Variants in SLAMF1 observed in about 807,000 individuals in gnomAD.
SLAMF1 encodes the protein signaling lymphocytic activation molecule family member 1.
SLAMF1 carries 18 observed loss-of-function variants against 35.1 expected under a neutral mutation model. That is an observed-to-expected ratio of 0.51 (90% confidence interval 0.35 to 0.76). SLAMF1 has a LOEUF of 0.76. Among genes scored for constraint, SLAMF1 ranks in the 30% least tolerant of loss-of-function variants. The pLI, the probability that SLAMF1 is intolerant of heterozygous loss-of-function variation, is 0.01. For synonymous variants in SLAMF1, 168 were observed against 157.2 expected (o/e 1.07, Z -0.51); for missense variants, 392 against 413.0 (o/e 0.95, Z 0.44).
chr1:160,615,487 T>A (rs1433108057), intron 5 of SLAMF1, among the ~76,000 whole-genome samples: 1 of 152,090 alleles, frequency 6.6e-6, no homozygotes, highest in East Asian at 1.9e-4. Flanking sequence ...CTTAAAAAAA[T>A]TTCCACCAAA....
chr1:160,638,410 C>A (rs567747908), intron 1 of SLAMF1, among the ~76,000 whole-genome samples: 1 of 152,218 alleles, frequency 6.6e-6, no homozygotes, highest in East Asian at 1.9e-4. Flanking sequence ...TCTTCCTCCA[C>A]GGAGCACTCA....
At chr1:160,611,503 A>AGTGT (rs1179663042) in intron 6 of SLAMF1, among the ~76,000 whole-genome samples, 1 of 152,152 alleles carries the variant, frequency 6.6e-6, no homozygotes, top group East Asian at 1.9e-4. Context: ...TTTCTGGATG[A>AGTGT]GTGTGTGTGC....
chr1:160,614,575 C>CAAAA (rs58447871), intron 5 of SLAMF1, among the ~76,000 whole-genome samples: 1 of 140,692 alleles, frequency 7.1e-6, no homozygotes, highest in Non-Finnish European at 1.5e-5. Flanking sequence ...TCCGCATCAC[C>CAAAA]AAAAAAAAAA....
chr1:160,646,774 C>T (rs1661057869), intron 1 of SLAMF1, 96 bp downstream of exon 1: 2 of 714,434 alleles, frequency 2.8e-6, no homozygotes, highest in East Asian at 2.8e-5. Context: ...TGACCAAACA[C>T]AATACCCAGC....
Position 160,619,765 on chromosome 1 carries a change from A to G in SLAMF1, c.864+11T>C. 1.3e-6 allele frequency: 2 copies of G among 1,565,938 alleles called. No homozygotes were observed. The highest frequency in any genetic ancestry group is 1.1e-5 in the South Asian group (1 of 90,124). On this transcript the variant is annotated intron_variant, in intron 5 of 6. Coordinates refer to ENST00000302035, the MANE Select transcript of SLAMF1 (RefSeq NM_003037.5). The stretch of plus-strand genomic sequence containing the variant: ...ATGACAGGTTCATCTCAAACAAAAT[A>G]TAGAACTTACACCTGGTTTCTGGAC...
At chr1:160,646,684 C>T (rs1349532745) in intron 1 of SLAMF1, among the ~76,000 whole-genome samples, 186 bp downstream of exon 1, 3 of 152,200 alleles carry the variant, frequency 2.0e-5, no homozygotes, top group African/African-American at 7.2e-5. Context: ...GTCTTGGAAA[C>T]CCAAGGGCCC....
chr1:160,622,586 GTATCTATC>G (rs201725532), intron 4 of SLAMF1, among the ~76,000 whole-genome samples: 2 of 152,030 alleles, frequency 1.3e-5, no homozygotes, highest in African/African-American at 2.4e-5. Context: ...ATCTGTCTAT[GTATCTATC>G]TATCTATCAC....
intron 3 of SLAMF1, among the ~76,000 whole-genome samples, chr1:160,626,210 G>T (rs1311582822): frequency 6.6e-6 from 1 of 152,194 alleles, no homozygotes; most frequent in African/African-American, 2.4e-5. Flanking sequence ...CCTCTGAACT[G>T]GAAAATAAAA....
intron 2 of SLAMF1, among the ~76,000 whole-genome samples, chr1:160,635,482 C>T (rs1660400559): frequency 1.3e-5 from 2 of 152,114 alleles, no homozygotes; most frequent in Admixed American, 6.5e-5. Flanking sequence ...CACTCTAAGG[C>T]CATGAAATAG....
chr1:160,637,346 C>A lies in SLAMF1; in HGVS notation c.260G>T (p.Gly87Val), dbSNP rs1660506372. The A allele has an allele frequency of 6.2e-7, 1 of 1,613,976 alleles. No individual in the cohort carries two copies. Among genetic ancestry groups the A allele is most frequent in the Non-Finnish European group, 8.5e-7 (1 of 1,179,974 alleles). The change falls in exon 2 of 7, where the codon GGC (glycine) becomes GTC (valine). Residue 87 changes from glycine (G) to valine (V), a missense_variant. Coordinates refer to ENST00000302035, the MANE Select transcript of SLAMF1 (RefSeq NM_003037.5). ...KIVSLDPSEA[G>V]PPRYLGDRYK... ...GCGATCTCCTAGATAACGTGGAGGG[C>A]CTGCTTCGGATGGATCAAGAGACAC...
intron 1 of SLAMF1, among the ~76,000 whole-genome samples, chr1:160,643,153 A>C (rs964096024): frequency 2.0e-5 from 3 of 152,156 alleles, no homozygotes; most frequent in East Asian, 1.9e-4. Flanking sequence ...CCCTACCTAT[A>C]AAAGAGGGAG....
Position 160,612,575 on chromosome 1 carries a change from A to G in SLAMF1, c.870T>C (p.Leu290=), listed in dbSNP as rs779809685. The part of the protein sequence containing the change: ...IYAQVQKPGP[L]QKKLDSFPAQ... ...CTGGGAAGGAGTCAAGTTTCTTCTG[A>G]AGAGGCTACAAGAGAAGCAAAGAAA... is the stretch of plus-strand genomic sequence containing the variant. The change falls in exon 6 of 7, where the codon CTT becomes CTC. Residue 290 remains leucine (L), a synonymous_variant. Transcript: ENST00000302035. 1.2e-6 allele frequency: 2 copies of G among 1,601,444 alleles called. No homozygotes were observed. Among genetic ancestry groups the G allele is most frequent in the Non-Finnish European group, 8.6e-7 (1 of 1,169,266 alleles).
chr1:160,617,728 C>A (rs948300876), intron 5 of SLAMF1, among the ~76,000 whole-genome samples: 1 of 152,102 alleles, frequency 6.6e-6, no homozygotes, highest in Non-Finnish European at 1.5e-5. Context: ...TCAGGAAGTA[C>A]GGGCAATGTT....
At chr1:160,643,438 T>C (rs1034920277) in intron 1 of SLAMF1, among the ~76,000 whole-genome samples, 1 of 152,180 alleles carries the variant, frequency 6.6e-6, no homozygotes, top group Non-Finnish European at 1.5e-5. Flanking sequence ...GCTATAACCA[T>C]TTGCTCCTCT....
chr1:160,622,332 C>T (rs977138582), intron 4 of SLAMF1, among the ~76,000 whole-genome samples: 5 of 152,218 alleles, frequency 3.3e-5, no homozygotes, highest in African/African-American at 1.2e-4. Context: ...TTGGACAAAT[C>T]ACGTCATCTC....
intron 4 of SLAMF1, among the ~76,000 whole-genome samples, chr1:160,622,768 G>A (rs1028961147): frequency 1.2e-4 from 18 of 152,166 alleles, no homozygotes; most frequent in Non-Finnish European, 1.8e-4. Flanking sequence ...ATGTAAGTTT[G>A]TCTAATGCCT....
chr1:160,611,162 T>C (rs17394362), intron 6 of SLAMF1, among the ~76,000 whole-genome samples: 4,929 of 152,276 alleles, frequency 0.032, 119 homozygotes, highest in Non-Finnish European at 0.05. Flanking sequence ...AGTTGTAAAT[T>C]ATTGAGTTTT....
intron 1 of SLAMF1, 54 bp from the exon 2 acceptor site, chr1:160,637,583 C>A: frequency 7.7e-7 from 1 of 1,297,076 alleles, no homozygotes; most frequent in South Asian, 1.3e-5. Flanking sequence ...TAGACAACAT[C>A]GTGTCAGCAG....
chr1:160,646,460 A>G (rs1055758759), intron 1 of SLAMF1, among the ~76,000 whole-genome samples: 6 of 152,160 alleles, frequency 3.9e-5, no homozygotes, highest in Admixed American at 3.9e-4. Context: ...ATTCCCTCCC[A>G]GGGCAGGGAT....
Sources: gnomAD v4.1 joint callset for allele counts (sites outside exome capture counted in the v4.1 genomes callset) on GRCh38, gnomAD v4.1.1 for gene constraint, MANE v1.5 for transcripts, NCBI Gene and HGNC (gene_info 2026-07-23, HGNC 2026-07-21) for gene names.